The following SKIC3 variants were observed in gnomAD, a reference collection of about 807,000 sequenced individuals.
SKIC3 encodes the protein superkiller complex protein 3.
At chr5:95,523,519 A>T in the SKIC3 span, 1 of 1,239,158 alleles carries the variant, frequency 8.1e-7, no homozygotes, top group Non-Finnish European at 1.1e-6. Flanking sequence ...AACTTCACTT[A>T]CAGAGGCAAA....
chr5:95,515,089 C>T, the SKIC3 span: 1 of 635,784 alleles, frequency 1.6e-6, no homozygotes, highest in Non-Finnish European at 2.7e-6. Context: ...AGTGTTTTAA[C>T]TACACAGTTC....
At chr5:95,521,739 C>T in the SKIC3 span, among the ~76,000 whole-genome samples, 1 of 152,000 alleles carries the variant, frequency 6.6e-6, no homozygotes, top group African/African-American at 2.4e-5. Context: ...ATTCTGGAGA[C>T]ATGATGAATT....
chr5:95,466,232 C>G, the SKIC3 span, among the ~76,000 whole-genome samples: 1 of 152,068 alleles, frequency 6.6e-6, no homozygotes, highest in Non-Finnish European at 1.5e-5. Context: ...TATTTAGATG[C>G]CAGAGCCATA....
chr5:95,538,598 A>AC, the SKIC3 span, among the ~76,000 whole-genome samples: 1 of 152,150 alleles, frequency 6.6e-6, no homozygotes, highest in Non-Finnish European at 1.5e-5. Context: ...GTAGCTATTT[A>AC]CTATAATAAG....
chr5:95,530,143 T>C, the SKIC3 span: 4 of 1,613,748 alleles, frequency 2.5e-6, no homozygotes, highest in Non-Finnish European at 3.4e-6. Context: ...AATGCTTTAA[T>C]GCCTAAGCCA....
the SKIC3 span, among the ~76,000 whole-genome samples, chr5:95,470,127 G>A: frequency 0.18 from 26,687 of 151,626 alleles, 2,682 homozygotes; most frequent in East Asian, 0.34. Context: ...ACAGGCGCCC[G>A]CCACCACACC....
the SKIC3 span, chr5:95,503,673 G>C: frequency 8.9e-7 from 1 of 1,126,452 alleles, no homozygotes; most frequent in Non-Finnish European, 1.3e-6. Context: ...AAAGTGCCTA[G>C]TATTGCTGCT....
the SKIC3 span, among the ~76,000 whole-genome samples, chr5:95,519,118 C>G: frequency 6.6e-5 from 10 of 150,730 alleles, no homozygotes; most frequent in Non-Finnish European, 1.3e-4. Context: ...ACATAAAAAT[C>G]TGAAGAACTA....
the SKIC3 span, chr5:95,525,315 A>C: frequency 7.9e-7 from 1 of 1,264,952 alleles, no homozygotes. Context: ...TCAAATCTTC[A>C]TCAAGCCTAC....
the SKIC3 span, among the ~76,000 whole-genome samples, chr5:95,532,076 C>T: frequency 1.3e-5 from 2 of 152,084 alleles, no homozygotes; most frequent in East Asian, 1.9e-4. Context: ...AAACACCCTG[C>T]CTCCATAGAA....
At chr5:95,480,940 C>T in the SKIC3 span, among the ~76,000 whole-genome samples, 1 of 151,816 alleles carries the variant, frequency 6.6e-6, no homozygotes, top group Non-Finnish European at 1.5e-5. Context: ...AGAGGATTTC[C>T]TTGTTTTGGG....
the SKIC3 span, among the ~76,000 whole-genome samples, chr5:95,487,785 A>G: frequency 6.6e-6 from 1 of 152,186 alleles, no homozygotes; most frequent in African/African-American, 2.4e-5. Flanking sequence ...AAAAGCAAGG[A>G]AATATGACAC....
the SKIC3 span, among the ~76,000 whole-genome samples, chr5:95,482,940 A>C: frequency 6.6e-6 from 1 of 152,164 alleles, no homozygotes. Context: ...AAATAGTTGA[A>C]CTAAGAAAAT....
chr5:95,538,586 A>T, the SKIC3 span, among the ~76,000 whole-genome samples: 1 of 152,140 alleles, frequency 6.6e-6, no homozygotes, highest in African/African-American at 2.4e-5. Context: ...AGTGTACATT[A>T]AGTAGCTATT....
At chr5:95,503,773 C>T in the SKIC3 span, 9 of 1,611,164 alleles carry the variant, frequency 5.6e-6, no homozygotes, top group Non-Finnish European at 7.6e-6. Flanking sequence ...TGATTAAACT[C>T]GACTCTAAAT....
At chr5:95,520,853 CAT>C in the SKIC3 span, 12 of 1,438,396 alleles carry the variant, frequency 8.3e-6, no homozygotes, top group African/African-American at 1.3e-4. Context: ...GTTATTAAAA[CAT>C]ATAAAATAAA....
the SKIC3 span, among the ~76,000 whole-genome samples, chr5:95,468,432 T>G: frequency 2.0e-5 from 3 of 152,138 alleles, no homozygotes; most frequent in African/African-American, 7.2e-5. Context: ...AAATATTCAA[T>G]GTCTACATTA....
the SKIC3 span, among the ~76,000 whole-genome samples, chr5:95,539,416 A>G: frequency 6.6e-6 from 1 of 152,216 alleles, no homozygotes; most frequent in Non-Finnish European, 1.5e-5. Flanking sequence ...TTACTCCTGC[A>G]AGAATGACCA....
chr5:95,522,227 C>G, the SKIC3 span: 2 of 1,613,696 alleles, frequency 1.2e-6, no homozygotes, highest in Non-Finnish European at 1.7e-6. Context: ...TGTTGTGTAG[C>G]CTCCTCTGCT....
Sources: allele counts gnomAD v4.1 joint callset (sites outside exome capture counted in the v4.1 genomes callset), GRCh38; gene constraint gnomAD v4.1.1; transcripts MANE v1.5; gene names NCBI Gene and HGNC (gene_info 2026-07-23, HGNC 2026-07-21).